The following MUC17 variants were observed in gnomAD, a reference collection of about 807,000 sequenced individuals.
MUC17 encodes the protein mucin 17, cell surface associated.
MUC17 carries 190 observed loss-of-function variants against 170.3 expected under a neutral mutation model. That is an observed-to-expected ratio of 1.12 (90% CI 0.99 to 1.26). The LOEUF (loss-of-function observed/expected upper bound fraction) is 1.26, where lower values mean the gene tolerates loss of function less well. MUC17 is among the 50% of genes most tolerant of loss of function. The pLI is 0.00. For synonymous variants in MUC17, 2,325 were observed against 2,002.5 expected (o/e 1.16, Z -4.30); for missense variants, 6,415 against 5,530.0 (o/e 1.16, Z -5.08).
At chr7:101,050,664 G>A (rs1402656336) in intron 7 of MUC17, 29 bp downstream of exon 7, 2 of 1,607,934 alleles carry the variant, frequency 1.2e-6, no homozygotes, top group African/African-American at 1.3e-5. Flanking sequence ...GGGAGGGAAG[G>A]GAGAAGGCAT....
rs377256269 is a variant in MUC17 at position 101,043,698 on chromosome 7, C to T, written c.12282C>T (p.Thr4094=). Residue 4094 remains threonine (T), a synonymous_variant, in exon 3 of 13, where the codon ACC becomes ACT. Transcript: ENST00000306151. ...VNPEAVTTMT[T]RTKPSTRTTS... ...CTGAGGCTGTCACCACCATGACCAC[C>T]AGGACAAAACCCAGCACACGGACCA... 1.9e-6 allele frequency: 3 copies of T among 1,614,058 alleles called. No homozygotes were observed. The highest frequency in any genetic ancestry group is 2.7e-5 in the African/African-American group (2 of 74,924).
At chr7:101,051,254 A>T (rs772646075) in intron 7 of MUC17, among the ~76,000 whole-genome samples, 22 of 150,876 alleles carry the variant, frequency 1.5e-4, no homozygotes, top group Non-Finnish European at 1.5e-5. Flanking sequence ...AGTTCTAGCT[A>T]CTTGGGAGGC....
At chr7:101,047,364 C>A (rs1794860203) in intron 3 of MUC17, among the ~76,000 whole-genome samples, 1 of 152,116 alleles carries the variant, frequency 6.6e-6, no homozygotes, top group African/African-American at 2.4e-5. Context: ...TCTTTCTTCA[C>A]GTTTTTGGGG....
chr7:101,053,089 C>T lies in MUC17; in HGVS notation c.13207C>T (p.Leu4403=). 1 of 1,614,138 alleles carries T rather than the reference C, an allele frequency of 6.2e-7. No individual in the cohort carries two copies. Among genetic ancestry groups the T allele is most frequent in the East Asian group, 2.2e-5 (1 of 44,886 alleles). ...GLVGAGVVLM[L]IILVALLMLV... ...CGTGGGGGCAGGGGTCGTGCTGATG[C>T]TGATCATCCTGGTAGCTCTCCTGAT... The change falls in exon 10 of 13, where the codon CTG becomes TTG. Residue 4403 remains leucine, a synonymous_variant. Coordinates refer to ENST00000306151, the MANE Select transcript of MUC17 (RefSeq NM_001040105.2).
Position 101,039,264 on chromosome 7 carries a change from A to G in MUC17, c.7848A>G (p.Thr2616=), listed in dbSNP as rs896519670. 1 of 1,613,230 alleles carries G rather than the reference A, an allele frequency of 6.2e-7. No individual in the cohort carries two copies. Among genetic ancestry groups the G allele is most frequent in the Non-Finnish European group, 8.5e-7 (1 of 1,179,726 alleles). Residue 2616 remains threonine (T), a synonymous_variant, in exon 3 of 13, where the codon ACA becomes ACG. Transcript: ENST00000306151. ...CTACTGAAACCAGTTCATCTCCTAC[A>G]ACTGCAAAAGATACCAGCATGCCAA... ...TTSTETSSSP[T]TAKDTSMPIS... is the part of the protein sequence containing the mutation.
chr7:101,042,152 C>T lies in MUC17; in HGVS notation c.10736C>T (p.Thr3579Ile), dbSNP rs762731271. The change falls in exon 3 of 13, where the codon ACA (threonine) becomes ATA (isoleucine). Residue 3579 changes from threonine to isoleucine, a missense_variant. By Grantham distance (89) the Thr-to-Ile change is moderately conservative (BLOSUM62 -1). Transcript: ENST00000306151. ...CCAAGTGAAGGAAGCTCTTCATTAACAACTATGCTCCTCAGCAGCACATAT... is the reference window on the plus strand; with the variant it reads ...CCAAGTGAAGGAAGCTCTTCATTAATAACTATGCTCCTCAGCAGCACATAT... ...STPSEGSSSL[T>I]TMLLSSTYVT... 9 of 1,614,232 alleles carry T rather than the reference C, an allele frequency of 5.6e-6. No individual in the cohort carries two copies. In the East Asian group the frequency reaches 1.1e-4, roughly 20 times the overall value.
chr7:101,020,135 G>C lies in MUC17; in HGVS notation c.-1G>C, dbSNP rs928278611. ...GCAAGTGAGACGTGCTCAGAGCTCC[G>C]ATGCCAAGGCCAGGGACCATGGCGC... On this transcript the variant is annotated 5_prime_UTR_variant, in exon 1 of 13. Coordinates refer to ENST00000306151, the MANE Select transcript of MUC17 (RefSeq NM_001040105.2). 1.3e-6 allele frequency: 2 copies of C among 1,593,980 alleles called. No individual in the cohort carries two copies. The highest frequency in any genetic ancestry group is 1.7e-6 in the Non-Finnish European group (2 of 1,170,092).
Position 101,043,685 on chromosome 7 carries a change from C to T in MUC17, c.12269C>T (p.Thr4090Ile), listed in dbSNP as rs781438723. ...SSTTVNPEAV[T>I]TMTTRTKPST... ...ACGACTGTGAACCCTGAGGCTGTCA[C>T]CACCATGACCACCAGGACAAAACCC... Residue 4090 changes from threonine to isoleucine, a missense_variant, in exon 3 of 13, where the codon ACC becomes ATC. Transcript: ENST00000306151. 6 of 1,614,186 alleles carry T rather than the reference C, an allele frequency of 3.7e-6. No homozygotes were observed. The highest frequency in any genetic ancestry group is 5.1e-6 in the Non-Finnish European group (6 of 1,180,040).
At chr7:101,050,166 T>C (rs1263925046) in intron 6 of MUC17, among the ~76,000 whole-genome samples, 2 of 152,132 alleles carry the variant, frequency 1.3e-5, no homozygotes, top group East Asian at 3.9e-4. Context: ...GATGGCCTCT[T>C]CTGTGGTTCC....
rs1466802874 is a variant in MUC17 at position 101,037,144 on chromosome 7, A to G, written c.5728A>G (p.Thr1910Ala). The change falls in exon 3 of 13, where the codon ACT becomes GCT. Residue 1910 changes from threonine to alanine, a missense_variant. Coordinates refer to ENST00000306151, the MANE Select transcript of MUC17 (RefSeq NM_001040105.2). ...TYAQVSSSPT[T>A]ADGSSMPTST... Reference sequence around the variant, plus strand: ...TGCTCAAGTCAGTTCATCTCCTACAACTGCTGACGGTAGCAGCATGCCAAC... The same window carrying G: ...TGCTCAAGTCAGTTCATCTCCTACAGCTGCTGACGGTAGCAGCATGCCAAC... 6.2e-6 allele frequency: 10 copies of G among 1,610,720 alleles called. No individual in the cohort carries two copies. Among genetic ancestry groups the G allele is most frequent in the African/African-American group, 1.4e-5 (1 of 74,050 alleles).
chr7:101,021,799 G>A (rs1286636114), intron 1 of MUC17, among the ~76,000 whole-genome samples: 2 of 152,070 alleles, frequency 1.3e-5, no homozygotes, highest in Non-Finnish European at 2.9e-5. Flanking sequence ...CCTTCTCCAG[G>A]GACCCAGAGC....
intron 11 of MUC17, 162 bp downstream of exon 11, chr7:101,053,598 C>A (rs190705238): frequency 9.4e-6 from 5 of 532,692 alleles, no homozygotes; most frequent in Non-Finnish European, 1.7e-5. Context: ...CAGCAAAACT[C>A]TATCTCTTAA....
Position 101,041,540 on chromosome 7 carries a change from C to G in MUC17, c.10124C>G (p.Thr3375Ser), listed in dbSNP as rs146467864. The change falls in exon 3 of 13, where the codon ACT (threonine) becomes AGT (serine). Residue 3375 changes from threonine to serine, a missense_variant. Transcript: ENST00000306151. ...ACCAGCACACCTGTCACCACTTCTA[C>G]TGAAGCCAGTTTATCTCCTACAACT... ...VDTSTPVTTS[T>S]EASLSPTTAE... The G allele has an allele frequency of 6.2e-7, 1 of 1,613,516 alleles. No individual in the cohort carries two copies. The highest frequency in any genetic ancestry group is 1.3e-5 in the African/African-American group (1 of 74,732).
At position 101,032,639 on chromosome 7, in the gene MUC17, C is replaced by G. The variant is rs1794322569; in HGVS notation, c.1223C>G (p.Ser408Cys). 1 of 1,613,374 alleles carries G rather than the reference C, an allele frequency of 6.2e-7. No individual in the cohort carries two copies. The highest frequency in any genetic ancestry group is 2.2e-5 in the East Asian group (1 of 44,838). Reference protein sequence around the residue: ...MPVSTILVASSEASTTSTIPV... With the variant: ...MPVSTILVASCEASTTSTIPV... ...GTCAGCACCATATTGGTGGCCAGTTCTGAGGCTAGCACCACTTCAACAATT... is the reference window on the plus strand; with the variant it reads ...GTCAGCACCATATTGGTGGCCAGTTGTGAGGCTAGCACCACTTCAACAATT... The change falls in exon 3 of 13, where the codon TCT becomes TGT. Residue 408 changes from serine to cysteine, a missense_variant. Transcript: ENST00000306151.
In MUC17 at chr7:101,038,724, A is replaced by G. The variant is rs146198153; in HGVS notation, c.7308A>G (p.Ser2436=). The G allele has an allele frequency of 1.2e-6, 2 of 1,612,536 alleles. No individual in the cohort carries two copies. The highest frequency in any genetic ancestry group is 3.3e-5 in the Admixed American group (2 of 59,912). ...TPVTTSTEAS[S]SPTTAEGTSI... ...TCACCACTTCTACTGAAGCCAGTTC[A>G]TCTCCTACAACTGCTGAAGGTACCA... Residue 2436 remains serine (S), a synonymous_variant, in exon 3 of 13, where the codon TCA becomes TCG. Transcript: ENST00000306151.
In MUC17 at chr7:101,021,181, C is replaced by CTT. The variant is rs60346243; in HGVS notation, c.82+985_82+986dup. Among the ~76,000 whole-genome samples, 97 of 84,154 alleles carry CTT rather than the reference C, an allele frequency of 1.2e-3. 1 individual carries two copies. Among genetic ancestry groups the CTT allele is most frequent in the African/African-American group, 1.4e-3 (31 of 22,286 alleles). 55.2% of individuals were successfully genotyped at this position (84,154 alleles called of 152,430 possible). On this transcript the variant is annotated intron_variant, in intron 1 of 12. Coordinates refer to ENST00000306151, the MANE Select transcript of MUC17 (RefSeq NM_001040105.2). ...CCCCAACCCTCACCTCTGTCTCCTC[C>CTT]TTTTTTTTTTTTTTTTTTTTTTGAG...
rs761756369 is a variant in MUC17, at chr7:101,037,221, C to T, written c.5805C>T (p.Thr1935=). ...RPPLTSIPVS[T]TTVASSEINT... is the part of the protein sequence containing the mutation. ...CATTAACAAGTATACCTGTCAGCAC[C>T]ACAACAGTGGCCAGTTCTGAAATCA... The change falls in exon 3 of 13, where the codon ACC becomes ACT. Residue 1935 remains threonine, a synonymous_variant. Transcript: ENST00000306151. The T allele has an allele frequency of 6.2e-7, 1 of 1,611,912 alleles. No individual in the cohort carries two copies. Among genetic ancestry groups the T allele is most frequent in the Non-Finnish European group, 8.5e-7 (1 of 1,178,768 alleles).
At chr7:101,021,609 C>T (rs1794083673) in intron 1 of MUC17, among the ~76,000 whole-genome samples, 1 of 152,066 alleles carries the variant, frequency 6.6e-6, no homozygotes, top group Non-Finnish European at 1.5e-5. Context: ...TGGCCTCTCC[C>T]CACTTTCTGC....
chr7:101,036,340 C>T lies in MUC17; in HGVS notation c.4924C>T (p.Pro1642Ser). Residue 1642 changes from proline to serine, a missense_variant, in exon 3 of 13, where the codon CCG (proline) becomes TCG (serine). By Grantham distance (74) the Pro-to-Ser change is moderately conservative (BLOSUM62 -1). Transcript: ENST00000306151. ...LLTSIPVSTT[P>S]VASPEASTLS... ...AACAAGTATACCTGTCAGCACCACGCCGGTGGCCAGTCCTGAGGCTAGCAC... is the reference window on the plus strand; with the variant it reads ...AACAAGTATACCTGTCAGCACCACGTCGGTGGCCAGTCCTGAGGCTAGCAC... 6.2e-7 allele frequency: 1 copy of T among 1,613,688 alleles called. No individual in the cohort carries two copies. The highest frequency in any genetic ancestry group is 2.2e-5 in the East Asian group (1 of 44,834).
Sources: allele counts gnomAD v4.1 joint callset (sites outside exome capture counted in the v4.1 genomes callset), GRCh38; gene constraint gnomAD v4.1.1; transcripts MANE v1.5; gene names NCBI Gene and HGNC (gene_info 2026-07-23, HGNC 2026-07-21).